TBC1D1: variants seen among roughly 807,000 people sequenced by gnomAD.
TBC1D1 encodes TBC1 domain family member 1.
A neutral mutation model predicts 125.6 loss-of-function variants in TBC1D1; 89 were observed. The observed-to-expected ratio is 0.71, with a 90% CI of 0.60 to 0.85. The LOEUF is 0.85. Among genes scored for constraint, TBC1D1 ranks in the 40% least tolerant of loss-of-function variants. The pLI is 0.00. For missense variants in TBC1D1, 1,377 were observed against 1,469.2 expected, an observed-to-expected ratio of 0.94 and a Z score of 1.03; for synonymous variants, 565 against 564.1, an observed-to-expected ratio of 1.00 and a Z score of -0.02.
chr4:37,984,458 T>A (rs558980011), intron 2 of TBC1D1, among the ~76,000 whole-genome samples: 16 of 152,336 alleles, frequency 1.1e-4, no homozygotes, highest in African/African-American at 3.8e-4. Flanking sequence ...AATAGGTGTG[T>A]AGTGGTACCT....
chr4:37,924,381 G>A (rs1721644734), intron 2 of TBC1D1, among the ~76,000 whole-genome samples: 1 of 152,170 alleles, frequency 6.6e-6, no homozygotes, highest in Non-Finnish European at 1.5e-5. Context: ...AGTAAAATAT[G>A]CATAACATAA....
intron 11 of TBC1D1, 67 bp from the exon 13 acceptor site, chr4:38,053,039 C>A: frequency 8.8e-7 from 1 of 1,142,670 alleles, no homozygotes; most frequent in Non-Finnish European, 1.1e-6. Context: ...TATTTTGAAG[C>A]TTATATTTTA....
At chr4:38,133,058 C>G in intron 18 of TBC1D1, 26 bp from the exon 21 acceptor site, 1 of 1,596,706 alleles carries the variant, frequency 6.3e-7, no homozygotes, top group South Asian at 1.1e-5. Flanking sequence ...AGTTTTAGTA[C>G]GTGATGACTT....
chr4:38,052,166 ACT>A (rs1491349032), intron 11 of TBC1D1, 106 bp downstream of exon 12: 1 of 881,614 alleles, frequency 1.1e-6, no homozygotes, highest in African/African-American at 3.0e-5. Flanking sequence ...AAGCAGAGCC[ACT>A]GTGTGTGTGT....
chr4:38,112,486 A>T (rs1762351670), intron 15 of TBC1D1, among the ~76,000 whole-genome samples: 1 of 152,190 alleles, frequency 6.6e-6, no homozygotes, highest in South Asian at 2.1e-4. Flanking sequence ...AACACCATTC[A>T]TAGCAACCAT....
At chr4:38,003,521 G>A (rs541246849) in intron 2 of TBC1D1, among the ~76,000 whole-genome samples, 6 of 152,208 alleles carry the variant, frequency 3.9e-5, no homozygotes, top group Admixed American at 6.5e-5. Flanking sequence ...TTTATTATTC[G>A]TTCTGTACTG....
intron 11 of TBC1D1, among the ~76,000 whole-genome samples, chr4:38,052,337 T>G (rs1354757048): frequency 4.1e-5 from 3 of 73,010 alleles, no homozygotes; most frequent in Non-Finnish European, 8.5e-5. Flanking sequence ...TTGTGTTTGT[T>G]TTTTTTTTTT....
At chr4:38,102,884 A>C in intron 14 of TBC1D1, 115 bp from the exon 17 acceptor site, 1 of 1,218,606 alleles carries the variant, frequency 8.2e-7, no homozygotes, top group East Asian at 2.7e-5. Context: ...CTGTCTCAAA[A>C]AAAAAAAAAA....
chr4:37,958,725 T>A (rs541321248), intron 2 of TBC1D1, among the ~76,000 whole-genome samples: 18 of 152,252 alleles, frequency 1.2e-4, no homozygotes, highest in Non-Finnish European at 1.8e-4. Context: ...AAAATGAATG[T>A]GTCGGAAGAG....
intron 8 of TBC1D1, among the ~76,000 whole-genome samples, chr4:38,036,752 T>C (rs927612311): frequency 6.6e-6 from 1 of 152,210 alleles, no homozygotes; most frequent in Admixed American, 6.5e-5. Context: ...TCTAATCTCA[T>C]TGGCCAGCCA....
intron 2 of TBC1D1, among the ~76,000 whole-genome samples, chr4:37,965,977 C>T (rs1730985489): frequency 6.6e-6 from 1 of 152,084 alleles, no homozygotes; most frequent in Admixed American, 6.6e-5. Flanking sequence ...GAACTCCTGA[C>T]CTCGAGTGAT....
chr4:37,974,684 A>C (rs1732707118), intron 2 of TBC1D1, among the ~76,000 whole-genome samples: 1 of 152,102 alleles, frequency 6.6e-6, no homozygotes, highest in African/African-American at 2.4e-5. Flanking sequence ...CAGCCTCCTG[A>C]GTAGCTGGGA....
At chr4:37,985,507 A>G (rs903526101) in intron 2 of TBC1D1, among the ~76,000 whole-genome samples, 13 of 152,196 alleles carry the variant, frequency 8.5e-5, no homozygotes, top group Non-Finnish European at 1.9e-4. Flanking sequence ...ACATTGGTTG[A>G]ACTTGGCTAA....
chr4:37,901,941 C>G (rs1325298845), intron 1 of TBC1D1, 62 bp from the exon 2 acceptor site: 1 of 698,552 alleles, frequency 1.4e-6, no homozygotes, highest in Non-Finnish European at 2.3e-6. Context: ...AATAATAGCC[C>G]TTTGAAGGTA....
At chr4:38,067,596 G>T (rs1028430500) in intron 12 of TBC1D1, among the ~76,000 whole-genome samples, 1 of 152,230 alleles carries the variant, frequency 6.6e-6, no homozygotes, top group Admixed American at 6.5e-5. Flanking sequence ...GAGGCCGTCA[G>T]TGGGGATACC....
intron 2 of TBC1D1, among the ~76,000 whole-genome samples, chr4:37,972,888 G>A (rs1291775064): frequency 7.3e-6 from 1 of 137,930 alleles, no homozygotes; most frequent in Non-Finnish European, 1.5e-5. Context: ...GGCAACAAGA[G>A]CGAAACTCCA....
chr4:37,934,665 G>A (rs1297731223), intron 2 of TBC1D1, among the ~76,000 whole-genome samples: 3 of 152,142 alleles, frequency 2.0e-5, no homozygotes, highest in Admixed American at 1.3e-4. Flanking sequence ...AGTCTGCAGG[G>A]GTTTCTGTGA....
Position 38,049,608 on chromosome 4 carries a change from T to C in TBC1D1, c.1630-10T>C. ...ATGGTGTGTCTGATCTGCTGTGTGTTTGCTCCCAGGAGCCATCTGTGTGTG... is the reference window on the plus strand; with the variant it reads ...ATGGTGTGTCTGATCTGCTGTGTGTCTGCTCCCAGGAGCCATCTGTGTGTG... On this transcript the variant is annotated splice_polypyrimidine_tract_variant and intron_variant, in intron 10 of 19. Transcript: ENST00000261439. The C allele has an allele frequency of 2.5e-6, 4 of 1,595,482 alleles. No homozygotes were observed. Among genetic ancestry groups the C allele is most frequent in the Non-Finnish European group, 3.4e-6 (4 of 1,170,050 alleles).
At position 38,009,480 on chromosome 4, in the gene TBC1D1, C is replaced by T. The variant is rs116073826; in HGVS notation, c.418-5029C>T. On this transcript the variant is annotated intron_variant, in intron 2 of 19. Transcript: ENST00000261439. ...TTTATTCTAAATATTGTTTCAGGAG[C>T]TCTTTCCTAAATCCTTGTGAATAAA... 7.1e-3 allele frequency among the ~76,000 whole-genome samples: 1,080 copies of T among 152,282 alleles called. 14 individuals are homozygous for T. Among genetic ancestry groups the T allele is most frequent in the African/African-American group, 0.025 (1,021 of 41,554 alleles).
Sources: gnomAD v4.1 joint callset for allele counts (sites outside exome capture counted in the v4.1 genomes callset) on GRCh38, gnomAD v4.1.1 for gene constraint, MANE v1.5 for transcripts, NCBI Gene and HGNC (gene_info 2026-07-23, HGNC 2026-07-21) for gene names.